The following TIAM2 variants were observed in gnomAD, a reference collection of about 807,000 sequenced individuals.
TIAM2 encodes the protein rho guanine nucleotide exchange factor TIAM2.
A neutral mutation model predicts 152.9 loss-of-function variants in TIAM2; 80 were observed. The observed-to-expected ratio is 0.52, with a 90% CI of 0.44 to 0.63. TIAM2 has a LOEUF of 0.63. Ranked by LOEUF, TIAM2 falls within the 30% of genes least tolerant of loss-of-function variation. TIAM2 has a pLI of 0.00. For missense variants in TIAM2, 1,965 were observed against 2,120.1 expected (o/e 0.93, Z 1.44); for synonymous variants, 804 against 838.0 (o/e 0.96, Z 0.70).
intron 1 of TIAM2, among the ~76,000 whole-genome samples, chr6:155,083,367 A>AAAG (rs1554228972): frequency 0.077 from 9,046 of 118,084 alleles, 399 homozygotes; most frequent in East Asian, 0.22. Context: ...AAAAAAAAAA[A>AAAG]AGAGAGAGAG....
chr6:155,067,003 C>A (rs567707332), intron 1 of TIAM2, among the ~76,000 whole-genome samples: 42 of 152,258 alleles, frequency 2.8e-4, no homozygotes, highest in African/African-American at 8.7e-4. Context: ...GTGATCTGCC[C>A]GCTTCGGTCT....
chr6:155,171,785 C>G (rs1044167363), intron 9 of TIAM2, among the ~76,000 whole-genome samples: 7 of 152,188 alleles, frequency 4.6e-5, no homozygotes, highest in African/African-American at 1.7e-4. Context: ...GTGTGGGCCT[C>G]AGTCCAAGAA....
chr6:155,029,425 AC>A lies in TIAM2; in HGVS notation c.-209+33934del, dbSNP rs1413161021. On this transcript the variant is annotated intron_variant, in intron 1 of 26. Transcript: ENST00000682666. ...AGTATATATAATATATACTATATATACTATAGTATATATTATACTATAGTAT... is the reference window on the plus strand; with the variant it reads ...AGTATATATAATATATACTATATATATATAGTATATATTATACTATAGTAT... Among the ~76,000 whole-genome samples, 21 of 10,292 alleles carry A rather than the reference AC, an allele frequency of 2.0e-3. 2 individuals are homozygous for A. Among genetic ancestry groups the A allele is most frequent in the African/African-American group, 5.9e-3 (20 of 3,362 alleles). The allele number at this position is 10,292 out of a possible 152,430, so 6.8% of individuals were successfully genotyped here.
rs116784329 is a variant in TIAM2 at position 155,071,241 on chromosome 6, G to C, written c.-208-19048G>C. On this transcript the variant is annotated intron_variant, in intron 1 of 26. Transcript: ENST00000682666. ...ATGTGTTACAGAAATGAATGGTTAT[G>C]TGTTGGCTTTCCAGACAGCTTTGGA... 3.5e-3 allele frequency among the ~76,000 whole-genome samples: 533 copies of C among 152,288 alleles called. 5 individuals are homozygous for C. Among genetic ancestry groups the C allele is most frequent in the African/African-American group, 0.012 (506 of 41,566 alleles).
intron 16 of TIAM2, among the ~76,000 whole-genome samples, chr6:155,241,367 G>A (rs922158293): frequency 5.3e-5 from 8 of 152,278 alleles, no homozygotes; most frequent in Admixed American, 3.9e-4. Flanking sequence ...TTTGAAGCTC[G>A]CTTCATTTGT....
intron 1 of TIAM2, among the ~76,000 whole-genome samples, chr6:155,030,839 C>A (rs773471017): frequency 4.6e-5 from 7 of 152,130 alleles, no homozygotes; most frequent in Admixed American, 4.6e-4. Context: ...GAGATTAAAT[C>A]TTTCATTTTA....
At chr6:155,181,756 C>T (rs940266275) in intron 12 of TIAM2, among the ~76,000 whole-genome samples, 15 of 152,228 alleles carry the variant, frequency 9.9e-5, no homozygotes, top group Non-Finnish European at 1.9e-4. Flanking sequence ...TAGCTACTCA[C>T]GTAAATAGTA....
At chr6:155,067,009 G>T (rs528901358) in intron 1 of TIAM2, among the ~76,000 whole-genome samples, 1 of 152,080 alleles carries the variant, frequency 6.6e-6, no homozygotes, top group South Asian at 2.1e-4. Context: ...TGCCCGCTTC[G>T]GTCTTCCAGA....
chr6:155,244,792 C>T lies in TIAM2; in HGVS notation c.3543+9C>T, dbSNP rs1416258175. 1.7e-5 allele frequency: 27 copies of T among 1,599,522 alleles called. No individual in the cohort carries two copies. The highest frequency in any genetic ancestry group is 2.3e-5 in the Non-Finnish European group (27 of 1,173,436). On this transcript the variant is annotated intron_variant, in intron 18 of 26. Coordinates refer to ENST00000682666, the MANE Select transcript of TIAM2 (RefSeq NM_012454.4). ...CCCCCTCACAGTTTAGAGTAAGTAT[C>T]TCAGATTTAGGCTTAAAGTAAAAAT...
intron 14 of TIAM2, among the ~76,000 whole-genome samples, chr6:155,207,615 C>G (rs543565568): frequency 3.4e-4 from 52 of 152,310 alleles, no homozygotes; most frequent in African/African-American, 1.2e-3. Flanking sequence ...CCATCCTATC[C>G]AAGCCTGTGC....
chr6:155,184,163 A>AT (rs1780978687), intron 14 of TIAM2, among the ~76,000 whole-genome samples: 1 of 151,984 alleles, frequency 6.6e-6, no homozygotes, highest in Non-Finnish European at 1.5e-5. Context: ...TAATTTTTGC[A>AT]TTTTTAGTAG....
At chr6:155,212,335 C>T (rs1781742196) in intron 15 of TIAM2, among the ~76,000 whole-genome samples, 1 of 152,178 alleles carries the variant, frequency 6.6e-6, no homozygotes, top group African/African-American at 2.4e-5. Flanking sequence ...TCTACTTCAT[C>T]CACATCCTTG....
chr6:155,063,992 C>T (rs538872965), intron 1 of TIAM2, among the ~76,000 whole-genome samples: 4 of 152,006 alleles, frequency 2.6e-5, no homozygotes, highest in Non-Finnish European at 4.4e-5. Context: ...TATGGAGTCC[C>T]GTATGACTAT....
intron 1 of TIAM2, among the ~76,000 whole-genome samples, chr6:155,060,403 A>C (rs1312699830): frequency 2.6e-5 from 4 of 152,214 alleles, no homozygotes; most frequent in Admixed American, 2.0e-4. Flanking sequence ...ACTCCGTCTC[A>C]AAAAACAAAC....
At chr6:155,130,561 C>T (rs1779423786) in intron 4 of TIAM2, 144 bp downstream of exon 4, 2 of 733,402 alleles carry the variant, frequency 2.7e-6, no homozygotes, top group Non-Finnish European at 4.4e-6. Flanking sequence ...AAGCCTGGCT[C>T]ATCTCATTTT....
At chr6:155,247,817 G>C (rs934390082) in intron 19 of TIAM2, among the ~76,000 whole-genome samples, 183 bp from the exon 20 acceptor site, 1 of 152,202 alleles carries the variant, frequency 6.6e-6, no homozygotes, top group Non-Finnish European at 1.5e-5. Flanking sequence ...CTCTGTCAGG[G>C]CTGTGAGGCG....
chr6:155,015,157 G>C (rs1778551766), intron 1 of TIAM2, among the ~76,000 whole-genome samples: 1 of 152,132 alleles, frequency 6.6e-6, no homozygotes, highest in Admixed American at 6.6e-5. Context: ...GAACCGTCCA[G>C]ATGAGGCAGC....
chr6:155,198,640 CAACAAGAGCA>C (rs1481121286), intron 14 of TIAM2, among the ~76,000 whole-genome samples: 2 of 72,634 alleles, frequency 2.8e-5, no homozygotes, highest in African/African-American at 1.5e-4. Flanking sequence ...CCAGCCTAGA[CAACAAGAGCA>C]AACAAGAGCA....
intron 5 of TIAM2, among the ~76,000 whole-genome samples, chr6:155,141,773 T>C (rs1189369361): frequency 1.3e-5 from 2 of 152,146 alleles, no homozygotes; most frequent in East Asian, 3.9e-4. Context: ...AGAATACTGG[T>C]GATTCTGCCC....
Sources: allele counts gnomAD v4.1 joint callset (sites outside exome capture counted in the v4.1 genomes callset), GRCh38; gene constraint gnomAD v4.1.1; transcripts MANE v1.5; gene names NCBI Gene and HGNC (gene_info 2026-07-23, HGNC 2026-07-21).